Variants in FARS2 observed in about 807,000 individuals in gnomAD.
FARS2 encodes the protein phenylalanyl-tRNA synthetase 2, mitochondrial, also known as phenylalanine--tRNA ligase, mitochondrial.
In FARS2, 40 loss-of-function variants were observed where a neutral mutation model predicts 46.4. The ratio of observed to expected loss-of-function variants is 0.86; its 90% CI spans 0.67 to 1.12. The LOEUF (loss-of-function observed/expected upper bound fraction) is 1.12. FARS2 is among the 50% of genes most tolerant of loss of function. FARS2 has a pLI of 0.00. For synonymous variants in FARS2, 234 were observed against 214.9 expected (o/e 1.09, Z -0.78); for missense variants, 513 against 567.9 (o/e 0.90, Z 0.98).
At position 5,341,257 on chromosome 6, in the gene FARS2, T is replaced by TTTTC. The variant is rs552538194; in HGVS notation, c.-21-27293_-21-27292insTTTC. On this transcript the variant is annotated intron_variant, in intron 1 of 6. Transcript: ENST00000274680. Reference sequence around the variant, plus strand: ...TATATTTTTTTTTTTTTTTTTTTTTTCCCTGTGAGAGCAGTTGTTTTGAGA... The same window carrying TTTTC: ...TATATTTTTTTTTTTTTTTTTTTTTTTTTCCCCTGTGAGAGCAGTTGTTTTGAGA... 3.2e-4 allele frequency among the ~76,000 whole-genome samples: 18 copies of TTTTC among 56,682 alleles called. 1 individual carries two copies. Among genetic ancestry groups the TTTTC allele is most frequent in the East Asian group, 9.0e-4 (2 of 2,234 alleles). The allele number at this position is 56,682 out of a possible 152,430, so 37.2% of individuals were successfully genotyped here. A position where few individuals can be genotyped will look rare whatever the true frequency, so the allele number is the denominator to read the frequency against.
At chr6:5,682,026 T>C (rs558001428) in intron 6 of FARS2, among the ~76,000 whole-genome samples, 1 of 152,316 alleles carries the variant, frequency 6.6e-6, no homozygotes, top group Admixed American at 6.5e-5. Flanking sequence ...GTGGTTTTGG[T>C]TCTGCTAAAA....
intron 3 of FARS2, among the ~76,000 whole-genome samples, chr6:5,418,278 T>C (rs1441978685): frequency 6.6e-6 from 1 of 152,220 alleles, no homozygotes. Context: ...TGCCAAACAT[T>C]GTTAATTTTA....
chr6:5,614,464 C>T (rs1206986501), intron 6 of FARS2, among the ~76,000 whole-genome samples: 1 of 149,608 alleles, frequency 6.7e-6, no homozygotes, highest in African/African-American at 2.5e-5. Context: ...GGCTGGAGTG[C>T]AGTGATGCGA....
chr6:5,369,835 A>T (rs1393222498), intron 2 of FARS2, among the ~76,000 whole-genome samples: 1 of 149,646 alleles, frequency 6.7e-6, no homozygotes, highest in East Asian at 1.9e-4. Flanking sequence ...TGTTGTGTGC[A>T]TCTGTTAGAT....
intron 4 of FARS2, among the ~76,000 whole-genome samples, chr6:5,510,325 C>T (rs1437679622): frequency 6.6e-6 from 1 of 152,174 alleles, no homozygotes; most frequent in Non-Finnish European, 1.5e-5. Flanking sequence ...AGGGGAGATG[C>T]TGCCTGGTCC....
intron 6 of FARS2, among the ~76,000 whole-genome samples, chr6:5,755,757 C>T (rs1212549559): frequency 6.6e-6 from 1 of 152,122 alleles, no homozygotes; most frequent in Non-Finnish European, 1.5e-5. Flanking sequence ...TCCCCTGTGG[C>T]CAGCCTTTTC....
intron 5 of FARS2, among the ~76,000 whole-genome samples, chr6:5,566,172 C>G (rs1772313119): frequency 6.6e-6 from 1 of 152,136 alleles, no homozygotes; most frequent in Non-Finnish European, 1.5e-5. Flanking sequence ...CAAGGCAGCC[C>G]AAAGCCAATT....
chr6:5,699,735 A>G (rs1224247303), intron 6 of FARS2, among the ~76,000 whole-genome samples: 1 of 152,130 alleles, frequency 6.6e-6, no homozygotes, highest in Non-Finnish European at 1.5e-5. Flanking sequence ...TCGAGATTTC[A>G]TACATTAAAG....
intron 6 of FARS2, chr6:5,695,359 A>G (rs1401120749): frequency 1.3e-5 from 2 of 152,268 alleles, no homozygotes; most frequent in Admixed American, 6.5e-5. Flanking sequence ...GTACGCTGTC[A>G]TTCCCAGTGC....
intron 6 of FARS2, among the ~76,000 whole-genome samples, chr6:5,745,564 G>A (rs1761588875): frequency 6.6e-6 from 1 of 152,092 alleles, no homozygotes; most frequent in African/African-American, 2.4e-5. Flanking sequence ...TTTGAGACAG[G>A]GTCTCACTCT....
chr6:5,700,956 T>C (rs1758395658), intron 6 of FARS2, among the ~76,000 whole-genome samples: 1 of 152,226 alleles, frequency 6.6e-6, no homozygotes, highest in Admixed American at 6.5e-5. Flanking sequence ...ATAAATACTT[T>C]ACTTGATGTT....
intron 4 of FARS2, among the ~76,000 whole-genome samples, chr6:5,544,348 G>C (rs1456071216): frequency 6.6e-6 from 1 of 152,214 alleles, no homozygotes; most frequent in East Asian, 1.9e-4. Flanking sequence ...TGTGCATGCG[G>C]GGTGGGAGTC....
chr6:5,363,895 G>A (rs1403967524), intron 1 of FARS2, among the ~76,000 whole-genome samples: 2 of 152,154 alleles, frequency 1.3e-5, no homozygotes, highest in East Asian at 3.8e-4. Flanking sequence ...TTACGTCTAT[G>A]CAAATTACCT....
At chr6:5,612,220 T>C (rs1775227642) in intron 5 of FARS2, among the ~76,000 whole-genome samples, 1 of 152,274 alleles carries the variant, frequency 6.6e-6, no homozygotes, top group African/African-American at 2.4e-5. Context: ...TCAGATACTT[T>C]GCCATTTAAA....
chr6:5,437,043 C>A (rs1330210697), intron 4 of FARS2, among the ~76,000 whole-genome samples: 1 of 152,170 alleles, frequency 6.6e-6, no homozygotes, highest in East Asian at 1.9e-4. Flanking sequence ...GTTTCTCATG[C>A]CCTTTTTGTA....
intron 6 of FARS2, among the ~76,000 whole-genome samples, chr6:5,757,187 G>A (rs1762251136): frequency 6.6e-6 from 1 of 151,378 alleles, no homozygotes; most frequent in Non-Finnish European, 1.5e-5. Flanking sequence ...TTCTTTTGAA[G>A]TAAGAAAATA....
At chr6:5,754,809 T>C (rs1452509631) in intron 6 of FARS2, among the ~76,000 whole-genome samples, 11 of 152,206 alleles carry the variant, frequency 7.2e-5, no homozygotes. Context: ...TTTTCTTCTC[T>C]AGTTATTTCC....
intron 6 of FARS2, among the ~76,000 whole-genome samples, chr6:5,684,247 G>C (rs1000681437): frequency 2.6e-4 from 39 of 152,146 alleles, no homozygotes; most frequent in African/African-American, 8.9e-4. Flanking sequence ...GACCATCCCC[G>C]ATGTGCCAGC....
intron 4 of FARS2, among the ~76,000 whole-genome samples, chr6:5,440,370 A>T (rs1763772388): frequency 6.6e-6 from 1 of 152,238 alleles, no homozygotes; most frequent in South Asian, 2.1e-4. Context: ...TATCTACATC[A>T]TCATTGTCAG....
Sources: allele counts gnomAD v4.1 joint callset (sites outside exome capture counted in the v4.1 genomes callset), GRCh38; gene constraint gnomAD v4.1.1; transcripts MANE v1.5; gene names NCBI Gene and HGNC (gene_info 2026-07-23, HGNC 2026-07-21).